The following CD226 variants were observed in gnomAD, a reference collection of about 807,000 sequenced individuals.
CD226 encodes the protein CD226 molecule.
In CD226, 24 loss-of-function variants were observed where a neutral mutation model predicts 34.9. That is an observed-to-expected ratio of 0.69 (90% CI 0.50 to 0.97). The LOEUF is 0.97. CD226 is among the 50% of genes least tolerant of loss of function. The pLI is 0.00. For missense variants in CD226, 397 were observed against 412.7 expected (o/e 0.96, Z 0.33); for synonymous variants, 148 against 147.4 (o/e 1.00, Z -0.03).
chr18:69,935,445 G>A (rs942250254), intron 2 of CD226, among the ~76,000 whole-genome samples: 3 of 152,206 alleles, frequency 2.0e-5, no homozygotes, highest in Non-Finnish European at 4.4e-5. Context: ...GTCTGAGGAG[G>A]AGTCTCAACG....
At chr18:69,881,985 G>C (rs1237105863) in intron 3 of CD226, among the ~76,000 whole-genome samples, 2 of 152,196 alleles carry the variant, frequency 1.3e-5, no homozygotes, top group Non-Finnish European at 2.9e-5. Context: ...TTTATAGCTA[G>C]AAGGTCCTAG....
chr18:69,947,179 G>T (rs2055804572), intron 1 of CD226, 110 bp from the exon 2 acceptor site: 1 of 1,022,616 alleles, frequency 9.8e-7, no homozygotes. Flanking sequence ...AAGGCTGACA[G>T]TTTCTGCCTT....
chr18:69,866,057 T>C (rs1408212624), intron 5 of CD226, among the ~76,000 whole-genome samples: 1 of 152,184 alleles, frequency 6.6e-6, no homozygotes, highest in African/African-American at 2.4e-5. Flanking sequence ...CGGGCCTGTT[T>C]CTTGGTTTGC....
At chr18:69,885,410 G>C (rs1253141060) in intron 3 of CD226, among the ~76,000 whole-genome samples, 1 of 152,148 alleles carries the variant, frequency 6.6e-6, no homozygotes, top group Non-Finnish European at 1.5e-5. Flanking sequence ...AAGCCATTAC[G>C]GTCTGGGCAC....
In CD226 at chr18:69,859,243, G is replaced by T. The variant is rs926458978; in HGVS notation, c.*5071C>A. 1 of 151,986 alleles carries T rather than the reference G, an allele frequency of 6.6e-6. No homozygotes were observed. Among genetic ancestry groups the T allele is most frequent in the East Asian group, 1.9e-4 (1 of 5,166 alleles). 9.4% of individuals were successfully genotyped at this position (151,986 alleles called of 1,614,324 possible). A position where few individuals can be genotyped will look rare whatever the true frequency, so the allele number is the denominator to read the frequency against. ...CTAGCCCCAAGTCAAGCTTCTAATGGAGTCTTTCTAAGGAAGTTGACGTTG... is the reference window on the plus strand; with the variant it reads ...CTAGCCCCAAGTCAAGCTTCTAATGTAGTCTTTCTAAGGAAGTTGACGTTG... On this transcript the variant is annotated 3_prime_UTR_variant, in exon 6 of 6. Transcript: ENST00000582621.
chr18:69,961,521 T>C (rs771937989), upstream of CD226: 2 of 152,164 alleles, frequency 1.3e-5, no homozygotes, highest in Non-Finnish European at 2.9e-5. Context: ...CATATCCCCA[T>C]GAAAGTAAGC....
rs1191572416 is a variant in CD226, at chr18:69,856,732, G to T, written c.*7582C>A. The T allele has an allele frequency of 6.6e-6, 1 of 151,946 alleles. No individual in the cohort carries two copies. Among genetic ancestry groups the T allele is most frequent in the South Asian group, 2.1e-4 (1 of 4,828 alleles). 9.4% of individuals were successfully genotyped at this position (151,946 alleles called of 1,614,324 possible). On this transcript the variant is annotated 3_prime_UTR_variant, in exon 6 of 6. Coordinates refer to ENST00000582621, the MANE Select transcript of CD226 (RefSeq NM_001303618.2). Reference sequence around the variant, plus strand: ...ATGGCTCAAAGAAGAAATATCAAAAGAAATTTTAAAATATTTTGGACTAAA... The same window carrying T: ...ATGGCTCAAAGAAGAAATATCAAAATAAATTTTAAAATATTTTGGACTAAA...
intron 2 of CD226, among the ~76,000 whole-genome samples, chr18:69,932,833 C>T (rs1466048681): frequency 1.3e-5 from 2 of 152,148 alleles, no homozygotes; most frequent in Admixed American, 6.5e-5. Context: ...CACCAATTCC[C>T]GTCCTCTGCA....
rs185469085 is a variant in CD226 at position 69,927,393 on chromosome 18, C to A, written c.382+19341G>T. Among the ~76,000 whole-genome samples, 9 of 149,194 alleles carry A rather than the reference C, an allele frequency of 6.0e-5. No homozygotes were observed. The South Asian group carries it at 1.1e-3, about 18-fold the overall frequency. On this transcript the variant is annotated intron_variant, in intron 2 of 5. Coordinates refer to ENST00000582621, the MANE Select transcript of CD226 (RefSeq NM_001303618.2). ...ACACACACACACACACACACAAACACACACACACACACATATACCATCTTA... is the reference window on the plus strand; with the variant it reads ...ACACACACACACACACACACAAACAAACACACACACACATATACCATCTTA...
intron 2 of CD226, among the ~76,000 whole-genome samples, chr18:69,907,507 G>T (rs1198833144): frequency 6.6e-6 from 1 of 152,066 alleles, no homozygotes; most frequent in African/African-American, 2.4e-5. Flanking sequence ...ATGGGGTTTT[G>T]CCATGTTGGC....
At chr18:69,905,365 C>T (rs1180507881) in intron 2 of CD226, among the ~76,000 whole-genome samples, 1 of 152,210 alleles carries the variant, frequency 6.6e-6, no homozygotes, top group Non-Finnish European at 1.5e-5. Context: ...GGCACCAACA[C>T]ATTAGTGTGA....
At chr18:69,870,505 C>T (rs1025745703) in intron 4 of CD226, among the ~76,000 whole-genome samples, 4 of 151,692 alleles carry the variant, frequency 2.6e-5, no homozygotes, top group African/African-American at 9.7e-5. Context: ...GAACTCCTGA[C>T]CTCAAATGAT....
At chr18:69,942,067 A>G (rs938710151) in intron 2 of CD226, among the ~76,000 whole-genome samples, 3 of 152,152 alleles carry the variant, frequency 2.0e-5, no homozygotes, top group African/African-American at 7.2e-5. Context: ...GAAGAAGGAC[A>G]TGTTTGCTCC....
chr18:69,946,877 T>G lies in CD226; in HGVS notation c.239A>C (p.Tyr80Ser). Residue 80 changes from tyrosine (Y) to serine (S), a missense_variant, in exon 2 of 6, where the codon TAC (tyrosine) becomes TCC (serine). By Grantham distance (144) the Tyr-to-Ser change is moderately radical. Coordinates refer to ENST00000582621, the MANE Select transcript of CD226 (RefSeq NM_001303618.2). Reference sequence around the variant, plus strand: ...GGAAGCCATCGTTGAATTCAAAAAGTAAACCCTCTCAGCATAGGGCTTCCT... The same window carrying G: ...GGAAGCCATCGTTGAATTCAAAAAGGAAACCCTCTCAGCATAGGGCTTCCT... ...VIRKPYAERVYFLNSTMASNN... is the reference protein window; with the variant it reads ...VIRKPYAERVSFLNSTMASNN... 6.2e-7 allele frequency: 1 copy of G among 1,614,120 alleles called. No homozygotes were observed. Among genetic ancestry groups the G allele is most frequent in the Non-Finnish European group, 8.5e-7 (1 of 1,179,994 alleles).
intron 3 of CD226, among the ~76,000 whole-genome samples, chr18:69,892,436 C>G (rs889725771): frequency 2.0e-5 from 3 of 152,194 alleles, no homozygotes; most frequent in African/African-American, 7.2e-5. Flanking sequence ...TTCCCCTGTG[C>G]TCCCCCCGTC....
At chr18:69,935,823 AATC>A (rs1453514387) in intron 2 of CD226, among the ~76,000 whole-genome samples, 1 of 152,198 alleles carries the variant, frequency 6.6e-6, no homozygotes, top group Non-Finnish European at 1.5e-5. Context: ...CCTACTCTAC[AATC>A]ATCTTGAAAA....
intron 2 of CD226, among the ~76,000 whole-genome samples, chr18:69,935,599 T>C (rs1209369444): frequency 2.0e-5 from 3 of 152,226 alleles, no homozygotes; most frequent in Non-Finnish European, 2.9e-5. Flanking sequence ...AGGAAATGTA[T>C]TCCTCATGTT....
chr18:69,955,482 C>T (rs1478475618), intron 1 of CD226, among the ~76,000 whole-genome samples: 1 of 152,156 alleles, frequency 6.6e-6, no homozygotes, highest in Non-Finnish European at 1.5e-5. Flanking sequence ...TGTGAGAGGT[C>T]GTTTGCTCCC....
At chr18:69,903,815 T>C (rs879862408) in intron 2 of CD226, among the ~76,000 whole-genome samples, 2 of 152,088 alleles carry the variant, frequency 1.3e-5, no homozygotes, top group African/African-American at 2.4e-5. Context: ...ATACCTTCAC[T>C]TTGGACTTCA....
Sources: allele counts gnomAD v4.1 joint callset (sites outside exome capture counted in the v4.1 genomes callset), GRCh38; gene constraint gnomAD v4.1.1; transcripts MANE v1.5; gene names NCBI Gene and HGNC (gene_info 2026-07-23, HGNC 2026-07-21).